The following ANKRD45 variants were observed in gnomAD, a reference collection of about 807,000 sequenced individuals.
The protein encoded by ANKRD45 is ankyrin repeat domain-containing protein 45.
ANKRD45 carries 21 observed loss-of-function variants against 28.1 expected under a neutral mutation model. The observed-to-expected ratio is 0.75, with a 90% CI of 0.53 to 1.08. The LOEUF is 1.08. Ranked by LOEUF, ANKRD45 falls within the 50% of genes least tolerant of loss-of-function variation. The pLI, the probability that ANKRD45 is intolerant of heterozygous loss-of-function variation, is 0.00. For synonymous variants in ANKRD45, 86 were observed against 103.9 expected, an observed-to-expected ratio of 0.83 and a Z score of 1.05; for missense variants, 261 against 308.7, an observed-to-expected ratio of 0.85 and a Z score of 1.16.
rs556288092 is a variant in ANKRD45, at chr1:173,655,509, C to T, written c.328+3582G>A. Among the ~76,000 whole-genome samples, 4 of 152,304 alleles carry T rather than the reference C, an allele frequency of 2.6e-5. No individual in the cohort carries two copies. In the South Asian group the frequency reaches 8.3e-4, roughly 32 times the overall value. On this transcript the variant is annotated intron_variant, in intron 2 of 5. Coordinates refer to ENST00000333279, the MANE Select transcript of ANKRD45 (RefSeq NM_198493.3). ...AAGCTTCGTCCCAGAGGGGCACCCA[C>T]CTGTATGAGGTGTCAGTCGGCCCCT...
intron 5 of ANKRD45, among the ~76,000 whole-genome samples, chr1:173,618,511 G>T (rs1264632123): frequency 6.6e-6 from 1 of 152,158 alleles, no homozygotes; most frequent in Non-Finnish European, 1.5e-5. Context: ...AGTATCAATA[G>T]AAGAACAGAC....
Position 173,609,242 on chromosome 1 carries a change from AC to A in ANKRD45, c.*902del, listed in dbSNP as rs1667045800. The stretch of plus-strand genomic sequence containing the variant: ...TCAACTGACAAAGTATTACTGAATT[AC>A]CCATTCCTTTTCCTTCTCCCCATAA... On this transcript the variant is annotated 3_prime_UTR_variant, in exon 6 of 6. Coordinates refer to ENST00000333279, the MANE Select transcript of ANKRD45 (RefSeq NM_198493.3). Among the ~76,000 whole-genome samples, 1 of 152,222 alleles carries A rather than the reference AC, an allele frequency of 6.6e-6. No homozygotes were observed. The highest frequency in any genetic ancestry group is 2.4e-5 in the African/African-American group (1 of 41,460).
At chr1:173,679,756 G>A in the ANKRD45 span, among the ~76,000 whole-genome samples, 1 of 152,154 alleles carries the variant, frequency 6.6e-6, no homozygotes, top group East Asian at 1.9e-4. Flanking sequence ...GAGTGAACAG[G>A]CAACTTACAG....
the ANKRD45 span, among the ~76,000 whole-genome samples, chr1:173,699,004 C>T: frequency 6.6e-6 from 1 of 151,988 alleles, no homozygotes; most frequent in Non-Finnish European, 1.5e-5. Context: ...CCACCGATCC[C>T]ACAGAAATAC....
At chr1:173,634,460 A>G (rs1403019315) in intron 3 of ANKRD45, among the ~76,000 whole-genome samples, 2 of 151,938 alleles carry the variant, frequency 1.3e-5, no homozygotes, top group African/African-American at 2.4e-5. Context: ...CACTCAGCAA[A>G]TATTTGTTAT....
the ANKRD45 span, among the ~76,000 whole-genome samples, chr1:173,693,674 TAAAG>T: frequency 6.6e-6 from 1 of 152,150 alleles, no homozygotes; most frequent in African/African-American, 2.4e-5. Flanking sequence ...GCAGTTCAAA[TAAAG>T]AGAGAGTGAA....
At chr1:173,684,754 T>C in the ANKRD45 span, among the ~76,000 whole-genome samples, 1 of 152,214 alleles carries the variant, frequency 6.6e-6, no homozygotes, top group African/African-American at 2.4e-5. Flanking sequence ...CGCTTTCTGC[T>C]AATATCATGT....
the ANKRD45 span, among the ~76,000 whole-genome samples, chr1:173,683,282 G>A: frequency 6.6e-6 from 1 of 152,090 alleles, no homozygotes; most frequent in Admixed American, 6.6e-5. Context: ...CAGGCTGAAG[G>A]CTGCTCTCTA....
chr1:173,616,777 T>C (rs1190615291), intron 5 of ANKRD45, among the ~76,000 whole-genome samples: 1 of 152,148 alleles, frequency 6.6e-6, no homozygotes, highest in East Asian at 1.9e-4. Context: ...TCCACAGCTC[T>C]CATGGAAAAT....
At chr1:173,676,183 T>C in the ANKRD45 span, among the ~76,000 whole-genome samples, 17 of 152,226 alleles carry the variant, frequency 1.1e-4, no homozygotes, top group Non-Finnish European at 2.1e-4. Context: ...CTTGGTAAAA[T>C]AACCAGTTTC....
rs976957481 is a variant in ANKRD45, at chr1:173,669,331, C to T, written c.-16+486G>A. 12 of 419,446 alleles carry T rather than the reference C, an allele frequency of 2.9e-5. No individual in the cohort carries two copies. In the East Asian group the frequency reaches 5.7e-4, roughly 20 times the overall value. The allele number at this position is 419,446 out of a possible 1,614,324, so 26.0% of individuals were successfully genotyped here. On this transcript the variant is annotated intron_variant, in intron 1 of 5. Coordinates refer to ENST00000333279, the MANE Select transcript of ANKRD45 (RefSeq NM_198493.3). ...AAACAAAGGGCAAGGAGGCAGGCGA[C>T]GCAGCCTGAAGTTGTGATAGAGGAG...
the ANKRD45 span, among the ~76,000 whole-genome samples, chr1:173,707,344 T>G: frequency 6.6e-6 from 1 of 152,118 alleles, no homozygotes; most frequent in Non-Finnish European, 1.5e-5. Flanking sequence ...TTCTCCTTTT[T>G]TTTTTTTAGA....
intron 3 of ANKRD45, among the ~76,000 whole-genome samples, chr1:173,644,725 T>C (rs529788233): frequency 7.6e-4 from 115 of 152,312 alleles, no homozygotes; most frequent in Non-Finnish European, 1.4e-3. Flanking sequence ...CTGGGCATGG[T>C]GGCTCATGCC....
chr1:173,671,318 A>G (rs1044649261), upstream of ANKRD45, among the ~76,000 whole-genome samples: 1 of 152,118 alleles, frequency 6.6e-6, no homozygotes, highest in Admixed American at 6.6e-5. Context: ...GGACCACTTA[A>G]AAAGTACTTC....
chr1:173,631,031 G>T (rs1668176468), intron 3 of ANKRD45, among the ~76,000 whole-genome samples: 1 of 151,844 alleles, frequency 6.6e-6, no homozygotes, highest in Non-Finnish European at 1.5e-5. Context: ...ACATAGAGTG[G>T]TTGAAGAGAT....
chr1:173,619,335 C>T (rs1427776053), intron 5 of ANKRD45, among the ~76,000 whole-genome samples: 1 of 152,094 alleles, frequency 6.6e-6, no homozygotes, highest in African/African-American at 2.4e-5. Context: ...TTAAGAGACA[C>T]AGAATGGCAA....
At chr1:173,632,740 A>G (rs150979626) in intron 3 of ANKRD45, among the ~76,000 whole-genome samples, 4 of 152,114 alleles carry the variant, frequency 2.6e-5, no homozygotes, top group Non-Finnish European at 4.4e-5. Context: ...GTGATACATC[A>G]TATCAACAGA....
At chr1:173,612,509 A>G (rs546723891) in intron 5 of ANKRD45, 2 of 152,388 alleles carry the variant, frequency 1.3e-5, no homozygotes, top group African/African-American at 4.8e-5. Flanking sequence ...AATGCAAATC[A>G]GAATACATTA....
intron 4 of ANKRD45, among the ~76,000 whole-genome samples, chr1:173,626,767 C>T (rs1194351334): frequency 6.6e-6 from 1 of 152,102 alleles, no homozygotes; most frequent in Non-Finnish European, 1.5e-5. Context: ...TCTATGTAGT[C>T]TTTGATAATT....
Sources: allele counts gnomAD v4.1 joint callset (sites outside exome capture counted in the v4.1 genomes callset), GRCh38; gene constraint gnomAD v4.1.1; transcripts MANE v1.5; gene names NCBI Gene and HGNC (gene_info 2026-07-23, HGNC 2026-07-21).